Variants in ADCY2 observed in about 807,000 individuals in gnomAD.
ADCY2 encodes adenylate cyclase type 2.
A neutral mutation model predicts 125.2 loss-of-function variants in ADCY2; 31 were observed. The observed-to-expected ratio is 0.25, with a 90% confidence interval of 0.19 to 0.33. The LOEUF (loss-of-function observed/expected upper bound fraction) is 0.33, where lower values mean the gene tolerates loss of function less well. Among genes scored for constraint, ADCY2 ranks in the 10% least tolerant of loss-of-function variants. The pLI is 1.00. For missense variants in ADCY2, 904 were observed against 1,418.2 expected, an observed-to-expected ratio of 0.64 and a Z score of 5.82; for synonymous variants, 512 against 548.4, an observed-to-expected ratio of 0.93 and a Z score of 0.93.
intron 3 of ADCY2, among the ~76,000 whole-genome samples, chr5:7,555,106 G>C (rs1735462611): frequency 6.6e-6 from 1 of 152,134 alleles, no homozygotes; most frequent in Non-Finnish European, 1.5e-5. Context: ...TTCTATATTT[G>C]AACTGTTTTA....
intron 2 of ADCY2, among the ~76,000 whole-genome samples, chr5:7,483,978 A>G (rs902315872): frequency 4.6e-5 from 7 of 152,198 alleles, no homozygotes; most frequent in Admixed American, 4.6e-4. Context: ...TCCGATTGAT[A>G]CTATCTCATC....
intron 3 of ADCY2, among the ~76,000 whole-genome samples, chr5:7,589,497 A>AG (rs1736763644): frequency 4.0e-5 from 2 of 49,408 alleles, no homozygotes; most frequent in Non-Finnish European, 5.7e-5. Flanking sequence ...AAAGAAAGAA[A>AG]GAAAGAAAGA....
At chr5:7,732,676 A>G (rs890916681) in intron 14 of ADCY2, among the ~76,000 whole-genome samples, 1 of 151,066 alleles carries the variant, frequency 6.6e-6, no homozygotes, top group Non-Finnish European at 1.5e-5. Flanking sequence ...GCTTTGTTTC[A>G]TTTGTTTAGC....
chr5:7,443,111 C>T (rs201107421), intron 2 of ADCY2, among the ~76,000 whole-genome samples: 3 of 152,252 alleles, frequency 2.0e-5, no homozygotes, highest in Non-Finnish European at 2.9e-5. Context: ...CTTTCCTTTT[C>T]CACAGCAGGG....
intron 17 of ADCY2, among the ~76,000 whole-genome samples, chr5:7,771,785 G>A (rs1743564388): frequency 6.6e-6 from 1 of 152,094 alleles, no homozygotes; most frequent in Non-Finnish European, 1.5e-5. Context: ...TTCTTACCAG[G>A]CTTACTCAAC....
In ADCY2 at chr5:7,757,482, T is replaced by C. The variant is rs751525669; in HGVS notation, c.1990T>C (p.Trp664Arg). ...CSKKASPLLMWLLKSSGIIAN... is the reference protein window; with the variant it reads ...CSKKASPLLMRLLKSSGIIAN... Reference sequence around the variant, plus strand: ...CAAAAAAGCCTCTCCCCTGCTCATGTGGCTTTTGAAGTCCTCGGGCATCAT... The same window carrying C: ...CAAAAAAGCCTCTCCCCTGCTCATGCGGCTTTTGAAGTCCTCGGGCATCAT... Residue 664 changes from tryptophan (W) to arginine (R), a missense_variant, in exon 16 of 25, where the codon TGG (tryptophan) becomes CGG (arginine). Around this residue, in one of 7 missense-constraint regions of ADCY2, gnomAD observed 221 missense variants for 246.2 expected, o/e 0.90. Coordinates refer to ENST00000338316, the MANE Select transcript of ADCY2 (RefSeq NM_020546.3). 1.2e-6 allele frequency: 2 copies of C among 1,614,180 alleles called. No homozygotes were observed. The highest frequency in any genetic ancestry group is 1.7e-6 in the Non-Finnish European group (2 of 1,180,024).
intron 14 of ADCY2, among the ~76,000 whole-genome samples, chr5:7,738,590 A>C (rs1482591849): frequency 6.6e-6 from 1 of 152,000 alleles, no homozygotes; most frequent in East Asian, 1.9e-4. Context: ...GGAAAGGACT[A>C]AATACTCCAA....
At chr5:7,547,114 T>C (rs754504358) in intron 3 of ADCY2, among the ~76,000 whole-genome samples, 29 of 152,086 alleles carry the variant, frequency 1.9e-4, no homozygotes, top group Non-Finnish European at 4.1e-4. Context: ...GAACTACACA[T>C]AAATAGGATG....
intron 4 of ADCY2, among the ~76,000 whole-genome samples, chr5:7,673,205 C>G (rs971488049): frequency 9.6e-5 from 12 of 125,588 alleles, no homozygotes; most frequent in African/African-American, 3.7e-4. Context: ...GACTACAAGA[C>G]CAGCCTGGGC....
At position 7,482,791 on chromosome 5, in the gene ADCY2, T is replaced by C. The variant is rs112335125; in HGVS notation, c.409-37947T>C. ...TGATATATATATATATATATATATA[T>C]ACACACACACATACATATATACATA... On this transcript the variant is annotated intron_variant, in intron 2 of 24. Transcript: ENST00000338316. Among the ~76,000 whole-genome samples the C allele has an allele frequency of 1.3e-3, 175 of 139,834 alleles. 1 individual carries two copies. The highest frequency in any genetic ancestry group is 1.7e-3 in the Non-Finnish European group (115 of 66,258). 91.7% of individuals were successfully genotyped at this position (139,834 alleles called of 152,430 possible). A position where few individuals can be genotyped will look rare whatever the true frequency, so the allele number is the denominator to read the frequency against.
intron 4 of ADCY2, among the ~76,000 whole-genome samples, chr5:7,661,461 A>G (rs1739528142): frequency 1.3e-5 from 2 of 152,216 alleles, no homozygotes; most frequent in Admixed American, 1.3e-4. Flanking sequence ...CCAATAAATA[A>G]TTATATTAAA....
intron 2 of ADCY2, among the ~76,000 whole-genome samples, chr5:7,481,755 C>T (rs1742739502): frequency 1.4e-5 from 2 of 144,360 alleles, no homozygotes; most frequent in Non-Finnish European, 3.0e-5. Context: ...AATGAGTTGT[C>T]TCTTCACCAT....
chr5:7,678,978 A>G (rs547879290), intron 4 of ADCY2, among the ~76,000 whole-genome samples: 3 of 152,330 alleles, frequency 2.0e-5, no homozygotes, highest in East Asian at 1.9e-4. Flanking sequence ...TTGTCTTCCT[A>G]TGCCAGGCAA....
intron 3 of ADCY2, among the ~76,000 whole-genome samples, chr5:7,522,111 G>C (rs1744465898): frequency 6.6e-6 from 1 of 152,128 alleles, no homozygotes; most frequent in Non-Finnish European, 1.5e-5. Flanking sequence ...TCCAATGAGA[G>C]AATGAAGGTG....
At chr5:7,812,251 A>G (rs907731623) in intron 22 of ADCY2, among the ~76,000 whole-genome samples, 1 of 152,222 alleles carries the variant, frequency 6.6e-6, no homozygotes, top group Non-Finnish European at 1.5e-5. Flanking sequence ...ATTTTTGTGC[A>G]AACACCAAAG....
chr5:7,484,283 A>G (rs1005447299), intron 2 of ADCY2, among the ~76,000 whole-genome samples: 2 of 152,240 alleles, frequency 1.3e-5, no homozygotes, highest in African/African-American at 4.8e-5. Flanking sequence ...TTCATAATAT[A>G]GTAATACCCA....
At chr5:7,478,209 G>A (rs1742591126) in intron 2 of ADCY2, among the ~76,000 whole-genome samples, 1 of 152,064 alleles carries the variant, frequency 6.6e-6, no homozygotes, top group South Asian at 2.1e-4. Context: ...TGTCTTTGTG[G>A]GTTCTCTCTC....
At chr5:7,513,529 G>T (rs992539045) in intron 2 of ADCY2, among the ~76,000 whole-genome samples, 3 of 152,172 alleles carry the variant, frequency 2.0e-5, no homozygotes, top group African/African-American at 7.2e-5. Flanking sequence ...AAAGTCATCA[G>T]TATTCTCAAA....
chr5:7,652,876 A>G (rs779890321), intron 4 of ADCY2, among the ~76,000 whole-genome samples: 2 of 152,216 alleles, frequency 1.3e-5, no homozygotes, highest in Non-Finnish European at 1.5e-5. Context: ...TCACTATTAC[A>G]TACATTTTTC....
Sources: allele counts gnomAD v4.1 joint callset (sites outside exome capture counted in the v4.1 genomes callset), GRCh38; gene constraint gnomAD v4.1.1; regional missense constraint gnomAD v4.1.1; transcripts MANE v1.5; gene names NCBI Gene and HGNC (gene_info 2026-07-23, HGNC 2026-07-21).